Variants in UBR7 observed in about 807,000 individuals in gnomAD.
UBR7 encodes the protein putative E3 ubiquitin-protein ligase UBR7.
Under a neutral mutation model 57.0 loss-of-function variants are expected in UBR7, and 22 were observed. The ratio of observed to expected loss-of-function variants is 0.39; its 90% confidence interval spans 0.28 to 0.55. The LOEUF (loss-of-function observed/expected upper bound fraction) is 0.55, where lower values mean the gene tolerates loss of function less well. Ranked by LOEUF, UBR7 falls within the 20% of genes least tolerant of loss-of-function variation. The pLI is 0.69. For missense variants in UBR7, 395 were observed against 513.2 expected, an observed-to-expected ratio of 0.77 and a Z score of 2.23; for synonymous variants, 167 against 179.8, an observed-to-expected ratio of 0.93 and a Z score of 0.57.
intron 10 of UBR7, chr14:93,223,669 C>T (rs1366551715): frequency 5.1e-6 from 7 of 1,364,918 alleles, no homozygotes; most frequent in Admixed American, 1.8e-5. Flanking sequence ...GGTGGGGCAG[C>T]GGGAAACTTG....
intron 7 of UBR7, 56 bp downstream of exon 7, chr14:93,218,791 C>T (rs1894646306): frequency 6.4e-7 from 1 of 1,569,048 alleles, no homozygotes; most frequent in Non-Finnish European, 8.7e-7. Context: ...CGCGGTGGCT[C>T]ATGCCCATAA....
At chr14:93,212,666 T>G (rs1208250768) in intron 4 of UBR7, among the ~76,000 whole-genome samples, 1 of 152,208 alleles carries the variant, frequency 6.6e-6, no homozygotes, top group Non-Finnish European at 1.5e-5. Flanking sequence ...TTCCTTTCTA[T>G]TAACAGAAGT....
At chr14:93,224,006 A>G in intron 10 of UBR7, 1 of 785,060 alleles carries the variant, frequency 1.3e-6, no homozygotes, top group Admixed American at 1.9e-5. Flanking sequence ...GAAGTACCAG[A>G]AGTCCCGGGA....
chr14:93,219,486 A>T, intron 8 of UBR7, 125 bp downstream of exon 8: 1 of 1,267,594 alleles, frequency 7.9e-7, no homozygotes. Context: ...AGAACACCTG[A>T]ACAATATATT....
At chr14:93,224,325 G>A (rs960330830) in intron 10 of UBR7, among the ~76,000 whole-genome samples, 3 of 150,106 alleles carry the variant, frequency 2.0e-5, no homozygotes, top group Non-Finnish European at 3.0e-5. Context: ...TCAGTTTTTA[G>A]AGACTTCTTC....
chr14:93,222,417 T>C, intron 10 of UBR7, 43 bp downstream of exon 10: 4 of 1,389,184 alleles, frequency 2.9e-6, no homozygotes, highest in Non-Finnish European at 2.1e-6. Context: ...CTGTAAGTTT[T>C]GAATGAAGGG....
intron 6 of UBR7, 73 bp from the exon 7 acceptor site, chr14:93,218,454 C>G: frequency 1.6e-6 from 2 of 1,234,944 alleles, no homozygotes; most frequent in Non-Finnish European, 2.4e-6. Flanking sequence ...ATTTTATTGT[C>G]TGTTGGGATT....
intron 2 of UBR7, 118 bp from the exon 3 acceptor site, chr14:93,210,530 T>A (rs1215226897): frequency 1.2e-6 from 1 of 826,250 alleles, no homozygotes; most frequent in Non-Finnish European, 2.0e-6. Context: ...AATATTTGCT[T>A]TTGTACATAT....
In UBR7 at chr14:93,228,852, G is replaced by C. The variant is rs565591048; in HGVS notation, c.*1817G>C. 1 of 454,138 alleles carries C rather than the reference G, an allele frequency of 2.2e-6. No individual in the cohort carries two copies. The highest frequency in any genetic ancestry group is 4.4e-6 in the Non-Finnish European group (1 of 226,790). The allele number at this position is 454,138 out of a possible 1,614,324, so 28.1% of individuals were successfully genotyped here. On this transcript the variant is annotated 3_prime_UTR_variant, in exon 11 of 11. Transcript: ENST00000013070. ...ACTTCCTATGACCAATCAGGACCAA[G>C]TCTTGGAGGTGATGTGTTACATTAC...
chr14:93,220,089 C>T (rs141338160), intron 8 of UBR7, among the ~76,000 whole-genome samples, 160 bp from the exon 9 acceptor site: 9 of 152,154 alleles, frequency 5.9e-5, no homozygotes, highest in African/African-American at 2.2e-4. Flanking sequence ...AAGAATAAAT[C>T]CTTCTAGCAA....
chr14:93,228,646 G>A lies in UBR7; in HGVS notation c.*1611G>A. The A allele has an allele frequency of 2.2e-6, 1 of 454,128 alleles. No individual in the cohort carries two copies. Among genetic ancestry groups the A allele is most frequent in the Admixed American group, 2.3e-5 (1 of 42,580 alleles). The allele number at this position is 454,128 out of a possible 1,614,324, so 28.1% of individuals were successfully genotyped here. The stretch of plus-strand genomic sequence containing the variant: ...TGCTGGTGAGCCCTGAGCTGGCCTT[G>A]TGCAGAGGGCTCCGTTCAAAGGCTC... On this transcript the variant is annotated 3_prime_UTR_variant, in exon 11 of 11. Coordinates refer to ENST00000013070, the MANE Select transcript of UBR7 (RefSeq NM_175748.4).
intron 1 of UBR7, 30 bp downstream of exon 1, chr14:93,207,471 CCGG>C: frequency 6.6e-7 from 1 of 1,519,254 alleles, no homozygotes; most frequent in South Asian, 1.3e-5. Context: ...CTCCTCTCCC[CCGG>C]CTCCCGCCGA....
chr14:93,223,863 T>G (rs1334437126), intron 10 of UBR7: 1 of 745,980 alleles, frequency 1.3e-6, no homozygotes, highest in Non-Finnish European at 2.4e-6. Context: ...CGGTACATGT[T>G]GGGGGCGCCG....
chr14:93,225,693 A>C (rs1159140848), intron 10 of UBR7, among the ~76,000 whole-genome samples: 2 of 152,114 alleles, frequency 1.3e-5, no homozygotes, highest in Admixed American at 6.5e-5. Context: ...AAATTAAAAA[A>C]CTGATTTGTT....
intron 6 of UBR7, among the ~76,000 whole-genome samples, chr14:93,217,793 A>G (rs577017874): frequency 1.1e-4 from 16 of 152,308 alleles, no homozygotes; most frequent in East Asian, 3.9e-4. Context: ...AAATATTTTA[A>G]TATCAGAAAA....
At chr14:93,215,360 CT>C in intron 6 of UBR7, 79 bp downstream of exon 6, 1 of 1,190,608 alleles carries the variant, frequency 8.4e-7, no homozygotes, top group East Asian at 2.5e-5. Context: ...TTTTTAGCAA[CT>C]ATTTTTAACT....
rs200142734 is a variant in UBR7, at chr14:93,219,701, CT to C, written c.960+343del. Among the ~76,000 whole-genome samples the C allele has an allele frequency of 2.2e-3, 329 of 152,258 alleles. 4 individuals are homozygous for C. Among genetic ancestry groups the C allele is most frequent in the African/African-American group, 7.7e-3 (319 of 41,558 alleles). On this transcript the variant is annotated intron_variant, in intron 8 of 10. Coordinates refer to ENST00000013070, the MANE Select transcript of UBR7 (RefSeq NM_175748.4). ...AAAGTTATAGTAAATTGGCCAGGTG[CT>C]TTGGCTCACGCCTGTAATCCCAGCA...
Position 93,227,478 on chromosome 14 carries a change from C to G in UBR7, c.*443C>G. ...AGAACCTCTACAGGTCCCCTCGCCCCTATGATCGTGGTGCCTTGGGTCAAA... is the reference window on the plus strand; with the variant it reads ...AGAACCTCTACAGGTCCCCTCGCCCGTATGATCGTGGTGCCTTGGGTCAAA... On this transcript the variant is annotated 3_prime_UTR_variant, in exon 11 of 11. Transcript: ENST00000013070. 1 of 693,100 alleles carries G rather than the reference C, an allele frequency of 1.4e-6. No homozygotes were observed. Among genetic ancestry groups the G allele is most frequent in the Non-Finnish European group, 2.6e-6 (1 of 380,580 alleles). 42.9% of individuals were successfully genotyped at this position (693,100 alleles called of 1,614,324 possible). A position where few individuals can be genotyped will look rare whatever the true frequency, so the allele number is the denominator to read the frequency against.
intron 4 of UBR7, among the ~76,000 whole-genome samples, chr14:93,213,019 T>C (rs1480388523): frequency 4.6e-5 from 7 of 152,126 alleles, no homozygotes; most frequent in Non-Finnish European, 1.0e-4. Flanking sequence ...ATGCCTGTAG[T>C]CCTGGCTACG....
Sources: allele counts gnomAD v4.1 joint callset (sites outside exome capture counted in the v4.1 genomes callset), GRCh38; gene constraint gnomAD v4.1.1; transcripts MANE v1.5; gene names NCBI Gene and HGNC (gene_info 2026-07-23, HGNC 2026-07-21).